The following FOXP2 variants were observed in gnomAD, a reference collection of about 807,000 sequenced individuals.
The protein encoded by FOXP2 is forkhead box protein P2.
FOXP2 carries 12 observed loss-of-function variants against 115.8 expected under a neutral mutation model. The observed-to-expected ratio is 0.10, with a 90% CI of 0.07 to 0.17. The LOEUF (loss-of-function observed/expected upper bound fraction) is 0.17, where lower values mean the gene tolerates loss of function less well. FOXP2 is among the 10% of genes least tolerant of loss of function. The pLI is 1.00. For synonymous variants in FOXP2, 328 were observed against 297.7 expected, an observed-to-expected ratio of 1.10 and a Z score of -1.05; for missense variants, 629 against 843.5, an observed-to-expected ratio of 0.75 and a Z score of 3.15.
chr7:114,629,250 A>T (rs566306330), intron 4 of FOXP2, among the ~76,000 whole-genome samples: 1 of 152,160 alleles, frequency 6.6e-6, no homozygotes, highest in Non-Finnish European at 1.5e-5. Context: ...ACCATATCGG[A>T]ACCCTGAGTG....
At chr7:114,336,077 A>T (rs1035024969) in intron 2 of FOXP2, among the ~76,000 whole-genome samples, 1 of 151,860 alleles carries the variant, frequency 6.6e-6, no homozygotes, top group South Asian at 2.1e-4. Context: ...ACTTGAAATG[A>T]TGCCCCTCTA....
chr7:114,539,498 T>G (rs1799554124), intron 3 of FOXP2, among the ~76,000 whole-genome samples: 1 of 151,936 alleles, frequency 6.6e-6, no homozygotes, highest in South Asian at 2.1e-4. Flanking sequence ...TATTCTTTAC[T>G]ATTTATATTT....
At chr7:114,318,389 T>A (rs1797326291) in intron 2 of FOXP2, among the ~76,000 whole-genome samples, 1 of 150,928 alleles carries the variant, frequency 6.6e-6, no homozygotes, top group Non-Finnish European at 1.5e-5. Flanking sequence ...GTTTTTTTTT[T>A]TTTTTTTTGG....
At chr7:114,324,334 C>T (rs548431458) in intron 2 of FOXP2, among the ~76,000 whole-genome samples, 93 of 151,944 alleles carry the variant, frequency 6.1e-4, no homozygotes, top group African/African-American at 2.1e-3. Flanking sequence ...ATTTTAAAAA[C>T]TTACATTTAA....
intron 2 of FOXP2, among the ~76,000 whole-genome samples, chr7:114,369,303 A>G (rs1222180907): frequency 6.6e-6 from 1 of 152,214 alleles, no homozygotes; most frequent in Non-Finnish European, 1.5e-5. Context: ...CCATCTTACA[A>G]CAGGACAAGT....
intron 2 of FOXP2, among the ~76,000 whole-genome samples, chr7:114,376,714 C>T (rs139384164): frequency 5.3e-5 from 8 of 152,246 alleles, no homozygotes; most frequent in East Asian, 3.9e-4. Flanking sequence ...AGATTCCATT[C>T]GGAACTAACA....
intron 1 of FOXP2, among the ~76,000 whole-genome samples, chr7:114,188,500 C>G (rs1407574235): frequency 1.3e-5 from 2 of 152,108 alleles, no homozygotes; most frequent in Non-Finnish European, 2.9e-5. Flanking sequence ...TGCTGACCAC[C>G]CTACTTAAAG....
At position 114,264,685 on chromosome 7, in the gene FOXP2, T is replaced by G. The variant is rs143104432; in HGVS notation, c.-101-23334T>G. 4.1e-3 allele frequency among the ~76,000 whole-genome samples: 623 copies of G among 152,220 alleles called. 4 individuals carry two copies. The highest frequency in any genetic ancestry group is 0.014 in the African/African-American group (583 of 41,530). On this transcript the variant is annotated intron_variant, in intron 1 of 17. Transcript: ENST00000634411. ...AAAGAAATACCTGAGACTGAGCAATTTATAAAGAAAAGAGGTTTAATTGGC... is the reference window on the plus strand; with the variant it reads ...AAAGAAATACCTGAGACTGAGCAATGTATAAAGAAAAGAGGTTTAATTGGC...
intron 2 of FOXP2, among the ~76,000 whole-genome samples, chr7:114,293,737 C>T (rs531188001): frequency 6.6e-6 from 1 of 152,196 alleles, no homozygotes; most frequent in Non-Finnish European, 1.5e-5. Flanking sequence ...ACCACCCTGT[C>T]TTCAGAAGAA....
At chr7:114,388,090 A>G (rs897903559) in intron 2 of FOXP2, among the ~76,000 whole-genome samples, 1 of 152,196 alleles carries the variant, frequency 6.6e-6, no homozygotes, top group Non-Finnish European at 1.5e-5. Context: ...AGTTACACCA[A>G]CACTTGCAAA....
intron 1 of FOXP2, among the ~76,000 whole-genome samples, chr7:114,244,426 C>A (rs1333784598): frequency 6.6e-6 from 1 of 152,106 alleles, no homozygotes; most frequent in Non-Finnish European, 1.5e-5. Context: ...GTTATGATTA[C>A]CCTCTTACCC....
At chr7:114,441,032 C>T in intron 2 of FOXP2, among the ~76,000 whole-genome samples, 1 of 152,068 alleles carries the variant, frequency 6.6e-6, no homozygotes, top group East Asian at 1.9e-4. Flanking sequence ...CAGATTACTG[C>T]CTAAAAATAT....
At chr7:114,533,904 A>C (rs1308187096) in intron 2 of FOXP2, among the ~76,000 whole-genome samples, 1 of 151,850 alleles carries the variant, frequency 6.6e-6, no homozygotes, top group East Asian at 1.9e-4. Context: ...GTTAAGTTTT[A>C]TTTTCCTAAG....
rs1268855705 is a variant in FOXP2 at position 114,689,744 on chromosome 7, T to C, written c.2004-38T>C. On this transcript the variant is annotated intron_variant, in intron 16 of 16. Coordinates refer to ENST00000350908, the MANE Select transcript of FOXP2 (RefSeq NM_014491.4). ...AGTTGGCCAAACTCTGTTTGTTGCT[T>C]ACTTAGTAAAATTTTGGTGTATCTA... is the stretch of plus-strand genomic sequence containing the variant. The C allele has an allele frequency of 2.5e-6, 4 of 1,611,674 alleles. No homozygotes were observed. The South Asian group carries it at 4.4e-5, about 18-fold the overall frequency.
chr7:114,516,056 C>G (rs1412010131), intron 2 of FOXP2, among the ~76,000 whole-genome samples: 12 of 152,136 alleles, frequency 7.9e-5, no homozygotes, highest in Admixed American at 2.0e-4. Context: ...TTGGAAAAAA[C>G]TACTTTAAAG....
chr7:114,140,450 G>A (rs1051341318), intron 1 of FOXP2, among the ~76,000 whole-genome samples: 1 of 152,166 alleles, frequency 6.6e-6, no homozygotes, highest in Non-Finnish European at 1.5e-5. Flanking sequence ...CACATGGTGA[G>A]TAGTGATGGC....
chr7:114,482,344 T>C (rs1359675543), intron 2 of FOXP2, among the ~76,000 whole-genome samples: 1 of 151,602 alleles, frequency 6.6e-6, no homozygotes, highest in Non-Finnish European at 1.5e-5. Context: ...AATGATATAT[T>C]CTTTGTTTTC....
At chr7:114,289,204 A>T (rs929113577) in intron 2 of FOXP2, among the ~76,000 whole-genome samples, 8 of 151,862 alleles carry the variant, frequency 5.3e-5, no homozygotes, top group African/African-American at 1.9e-4. Flanking sequence ...ATGATCCCAC[A>T]TTTATCTAAC....
chr7:114,291,400 G>A (rs1217846606), intron 2 of FOXP2, among the ~76,000 whole-genome samples: 3 of 152,068 alleles, frequency 2.0e-5, no homozygotes, highest in African/African-American at 7.2e-5. Context: ...GGAATTTGGG[G>A]ACAACACAAA....
Sources: allele counts gnomAD v4.1 joint callset (sites outside exome capture counted in the v4.1 genomes callset), GRCh38; gene constraint gnomAD v4.1.1; transcripts MANE v1.5; gene names NCBI Gene and HGNC (gene_info 2026-07-23, HGNC 2026-07-21).